The following YPEL5 variants were observed in gnomAD, a reference collection of about 807,000 sequenced individuals.
The protein encoded by YPEL5 is yippee like 5.
A neutral mutation model predicts 10.5 loss-of-function variants in YPEL5; 1 was observed. The ratio of observed to expected loss-of-function variants is 0.10; its 90% CI spans 0.03 to 0.45. YPEL5 has a LOEUF of 0.45. Ranked by LOEUF, YPEL5 falls within the 20% of genes least tolerant of loss-of-function variation. The pLI, the probability that YPEL5 is intolerant of heterozygous loss-of-function variation, is 0.97. For synonymous variants in YPEL5, 61 were observed against 56.6 expected, an observed-to-expected ratio of 1.08 and a Z score of -0.35; for missense variants, 68 against 159.3, an observed-to-expected ratio of 0.43 and a Z score of 3.09.
chr2:30,155,003 T>C (rs569978126), intron 1 of YPEL5, among the ~76,000 whole-genome samples: 1 of 152,124 alleles, frequency 6.6e-6, no homozygotes, highest in East Asian at 1.9e-4. Flanking sequence ...ACTCACAAAG[T>C]GCTGGGATTA....
chr2:30,151,017 C>T lies in YPEL5; in HGVS notation c.-25+3955C>T, dbSNP rs1011227664. 2.0e-5 allele frequency among the ~76,000 whole-genome samples: 3 copies of T among 152,284 alleles called. No homozygotes were observed. In the South Asian group the frequency reaches 6.2e-4, roughly 32 times the overall value. On this transcript the variant is annotated intron_variant, in intron 1 of 2. Coordinates refer to ENST00000261353, the MANE Select transcript of YPEL5 (RefSeq NM_016061.3). ...CATTTAAAAGTACAAAATTCATTCT[C>T]AGCTTGTGGGCAGTACAGAAACAGG...
chr2:30,158,483 G>A (rs1421816487), intron 2 of YPEL5, 136 bp from the exon 3 acceptor site: 6 of 795,112 alleles, frequency 7.5e-6, no homozygotes, highest in Non-Finnish European at 1.2e-5. Context: ...TAAGTCTTGC[G>A]TATTATAGGT....
intron 1 of YPEL5, among the ~76,000 whole-genome samples, chr2:30,151,639 C>T (rs913631660): frequency 6.6e-6 from 1 of 151,992 alleles, no homozygotes; most frequent in African/African-American, 2.4e-5. Context: ...GAAAATAGTA[C>T]CAAAGAGGCC....
intron 1 of YPEL5, among the ~76,000 whole-genome samples, chr2:30,151,431 TGAGA>T (rs1227119602): frequency 6.6e-6 from 1 of 152,178 alleles, no homozygotes; most frequent in African/African-American, 2.4e-5. Flanking sequence ...ATGCTATTGG[TGAGA>T]GAGGGAGGAA....
At chr2:30,149,971 C>T (rs1572749451) in intron 1 of YPEL5, among the ~76,000 whole-genome samples, 2 of 152,234 alleles carry the variant, frequency 1.3e-5, no homozygotes, top group South Asian at 4.1e-4. Flanking sequence ...CCTACCCTCC[C>T]TGGTATTTTT....
At chr2:30,156,575 G>A in intron 1 of YPEL5, 53 bp from the exon 2 acceptor site, 1 of 1,548,780 alleles carries the variant, frequency 6.5e-7, no homozygotes, top group African/African-American at 1.4e-5. Flanking sequence ...CCCCAAGTAG[G>A]TGCTAACATG....
chr2:30,153,856 A>G (rs1477322586), intron 1 of YPEL5, among the ~76,000 whole-genome samples: 2 of 152,236 alleles, frequency 1.3e-5, no homozygotes, highest in African/African-American at 4.8e-5. Context: ...ATCCAGTAAA[A>G]ATACTTGGGT....
rs1676226104 is a variant in YPEL5, at chr2:30,160,382, C to G, written c.*1539C>G. 6.6e-6 allele frequency: 1 copy of G among 152,202 alleles called. No homozygotes were observed. Among genetic ancestry groups the G allele is most frequent in the Admixed American group, 6.5e-5 (1 of 15,284 alleles). The allele number at this position is 152,202 out of a possible 1,614,324, so 9.4% of individuals were successfully genotyped here. On this transcript the variant is annotated 3_prime_UTR_variant, in exon 3 of 3. Transcript: ENST00000261353. The stretch of plus-strand genomic sequence containing the variant: ...TTGAAATAAGTGGACACAAACTATC[C>G]TTTCTCCACCATGGACTCAATCTGA...
chr2:30,159,029 C>T lies in YPEL5; in HGVS notation c.*186C>T, dbSNP rs1303488630. 2 of 632,406 alleles carry T rather than the reference C, an allele frequency of 3.2e-6. No individual in the cohort carries two copies. The highest frequency in any genetic ancestry group is 4.0e-5 in the South Asian group (2 of 49,392). The allele number at this position is 632,406 out of a possible 1,614,324, so 39.2% of individuals were successfully genotyped here. On this transcript the variant is annotated 3_prime_UTR_variant, in exon 3 of 3. Coordinates refer to ENST00000261353, the MANE Select transcript of YPEL5 (RefSeq NM_016061.3). ...TTTAAATTTTGTATTTTCCATCCAA[C>T]AGCAGTGTGTAGAGAGAATATTATG...
intron 1 of YPEL5, among the ~76,000 whole-genome samples, chr2:30,149,859 C>G (rs1201791321): frequency 6.6e-6 from 1 of 152,216 alleles, no homozygotes; most frequent in Admixed American, 6.5e-5. Context: ...AGTGTGTATT[C>G]TATGGAAATG....
intron 1 of YPEL5, 70 bp from the exon 2 acceptor site, chr2:30,156,558 T>C (rs781253334): frequency 2.2e-5 from 31 of 1,439,074 alleles, no homozygotes; most frequent in Non-Finnish European, 2.9e-5. Flanking sequence ...TTGTTCTCTA[T>C]GACACCCCCC....
chr2:30,157,367 A>G (rs1375522611), intron 2 of YPEL5, among the ~76,000 whole-genome samples: 1 of 152,122 alleles, frequency 6.6e-6, no homozygotes. Context: ...ACTTCAGCAC[A>G]GACTATGGAA....
intron 1 of YPEL5, chr2:30,147,778 C>A (rs1029048067): frequency 6.5e-6 from 1 of 152,700 alleles, no homozygotes; most frequent in Non-Finnish European, 1.5e-5. Flanking sequence ...GGTGTCGGGA[C>A]CAAGAGAGCC....
At chr2:30,156,930 T>C (rs914774560) in intron 2 of YPEL5, 138 bp downstream of exon 2, 1 of 1,047,460 alleles carries the variant, frequency 9.5e-7, no homozygotes, top group African/African-American at 1.6e-5. Context: ...GATTGCCCAC[T>C]AGCTCGTCTT....
In YPEL5 at chr2:30,155,107, A is replaced by C. The variant is rs549443490; in HGVS notation, c.-24-1521A>C. On this transcript the variant is annotated intron_variant, in intron 1 of 2. Coordinates refer to ENST00000261353, the MANE Select transcript of YPEL5 (RefSeq NM_016061.3). ...TCTTAAAGGCTGAAATAAGGCAATA[A>C]GTGTTTCCTTTTGTTGTTTTATAGA... Among the ~76,000 whole-genome samples the C allele has an allele frequency of 1.4e-3, 208 of 152,256 alleles. 1 individual carries two copies. Among genetic ancestry groups the C allele is most frequent in the Admixed American group, 3.7e-3 (57 of 15,304 alleles).
intron 2 of YPEL5, 25 bp downstream of exon 2, chr2:30,156,817 T>C: frequency 6.2e-7 from 1 of 1,613,658 alleles, no homozygotes; most frequent in South Asian, 1.1e-5. Flanking sequence ...GTTTGATTCC[T>C]AAGTGGGCTT....
chr2:30,158,063 C>T (rs1266362794), intron 2 of YPEL5, among the ~76,000 whole-genome samples: 3 of 152,318 alleles, frequency 2.0e-5, no homozygotes, highest in East Asian at 3.9e-4. Context: ...ATTCATTACA[C>T]ATTGTCTCAG....
Position 30,155,117 on chromosome 2 carries a change from TTTG to T in YPEL5, c.-24-1505_-24-1503del, listed in dbSNP as rs748462891. Among the ~76,000 whole-genome samples, 5 of 152,254 alleles carry T rather than the reference TTTG, an allele frequency of 3.3e-5. No homozygotes were observed. The East Asian group carries it at 5.8e-4, about 18-fold the overall frequency. On this transcript the variant is annotated intron_variant, in intron 1 of 2. Transcript: ENST00000261353. ...TGAAATAAGGCAATAAGTGTTTCCT[TTTG>T]TTGTTTTATAGAAATGTAATTAGAA...
chr2:30,155,208 T>C (rs905965390), intron 1 of YPEL5, among the ~76,000 whole-genome samples: 1 of 152,272 alleles, frequency 6.6e-6, no homozygotes, highest in Non-Finnish European at 1.5e-5. Context: ...CTTGTTAATA[T>C]GCTGGTTTTC....
Sources: allele counts gnomAD v4.1 joint callset (sites outside exome capture counted in the v4.1 genomes callset), GRCh38; gene constraint gnomAD v4.1.1; transcripts MANE v1.5; gene names NCBI Gene and HGNC (gene_info 2026-07-23, HGNC 2026-07-21).